DPP10: variants seen among roughly 807,000 people sequenced by gnomAD.
The protein encoded by DPP10 is dipeptidyl peptidase like 10, also known as inactive dipeptidyl peptidase 10.
DPP10 carries 33 observed loss-of-function variants against 120.9 expected under a neutral mutation model. The ratio of observed to expected loss-of-function variants is 0.27; its 90% CI spans 0.21 to 0.37. The LOEUF is 0.37. DPP10 is among the 10% of genes least tolerant of loss of function. The pLI, the probability that DPP10 is intolerant of heterozygous loss-of-function variation, is 1.00. For synonymous variants in DPP10, 337 were observed against 326.1 expected (o/e 1.03, Z -0.36); for missense variants, 816 against 942.8 (o/e 0.87, Z 1.76).
At chr2:115,760,780 G>A (rs920326845) in intron 11 of DPP10, among the ~76,000 whole-genome samples, 5 of 151,998 alleles carry the variant, frequency 3.3e-5, no homozygotes, top group South Asian at 2.1e-4. Context: ...GTTTTTATTC[G>A]GCTGATTAGT....
intron 9 of DPP10, among the ~76,000 whole-genome samples, chr2:115,745,111 C>T (rs1677784218): frequency 6.6e-6 from 1 of 150,384 alleles, no homozygotes; most frequent in Admixed American, 7.1e-5. Flanking sequence ...GCCCCTTACT[C>T]ACAGTGTATT....
intron 1 of DPP10, among the ~76,000 whole-genome samples, chr2:115,167,428 AAAAT>A (rs1374281080): frequency 1.3e-5 from 2 of 151,824 alleles, no homozygotes; most frequent in African/African-American, 4.8e-5. Flanking sequence ...AACAAAAAAG[AAAAT>A]AAAAAGAAAA....
chr2:115,478,354 A>G lies in DPP10; in HGVS notation c.272-21156A>G, dbSNP rs190709969. 2.7e-4 allele frequency among the ~76,000 whole-genome samples: 41 copies of G among 152,332 alleles called. 1 individual carries two copies. The East Asian group carries it at 6.8e-3, about 25-fold the overall frequency. On this transcript the variant is annotated intron_variant, in intron 3 of 25. Coordinates refer to ENST00000410059, the MANE Select transcript of DPP10 (RefSeq NM_020868.6). ...GTCATTGGGAAAATTGTTTATCTAC[A>G]TGCAACAGAATGGAATGGGATTGTT...
chr2:115,153,279 G>A (rs1188014308), intron 1 of DPP10, among the ~76,000 whole-genome samples: 2 of 152,056 alleles, frequency 1.3e-5, no homozygotes, highest in African/African-American at 2.4e-5. Context: ...AAATATGAGG[G>A]ACCAATTTCC....
chr2:115,186,917 G>A (rs574491241), intron 1 of DPP10, among the ~76,000 whole-genome samples: 11 of 150,396 alleles, frequency 7.3e-5, no homozygotes, highest in Admixed American at 7.3e-4. Flanking sequence ...CTAGGGTACA[G>A]CCTCTAGCCA....
intron 4 of DPP10, among the ~76,000 whole-genome samples, chr2:115,525,495 C>A (rs1272538891): frequency 6.6e-6 from 1 of 151,822 alleles, no homozygotes; most frequent in African/African-American, 2.4e-5. Flanking sequence ...AGTAAGAATA[C>A]AAAAACACAG....
At chr2:115,817,189 G>C (rs914143593) in intron 21 of DPP10, among the ~76,000 whole-genome samples, 12 of 151,918 alleles carry the variant, frequency 7.9e-5, no homozygotes, top group African/African-American at 2.7e-4. Context: ...AGAGTTTGAA[G>C]TGAGCCGAGA....
intron 5 of DPP10, among the ~76,000 whole-genome samples, chr2:115,629,268 A>G (rs1002194519): frequency 4.6e-5 from 7 of 152,166 alleles, no homozygotes; most frequent in Non-Finnish European, 7.3e-5. Flanking sequence ...TAGTGCTGCA[A>G]TAAACATACG....
chr2:115,040,712 C>T (rs1475155269), intron 1 of DPP10, among the ~76,000 whole-genome samples: 1 of 151,868 alleles, frequency 6.6e-6, no homozygotes, highest in Non-Finnish European at 1.5e-5. Flanking sequence ...TGAGTGTGTG[C>T]CGTGAGATTT....
chr2:114,707,760 A>G (rs919271895), intron 1 of DPP10, among the ~76,000 whole-genome samples: 1 of 152,138 alleles, frequency 6.6e-6, no homozygotes, highest in African/African-American at 2.4e-5. Flanking sequence ...TCCAATGCCA[A>G]TCAAGTAGAG....
At chr2:114,657,061 A>G (rs1697017146) in intron 1 of DPP10, among the ~76,000 whole-genome samples, 1 of 152,122 alleles carries the variant, frequency 6.6e-6, no homozygotes, top group Admixed American at 6.5e-5. Context: ...AGAGCCCATA[A>G]AAGTCAGTAC....
intron 1 of DPP10, among the ~76,000 whole-genome samples, chr2:114,498,453 G>A (rs948377491): frequency 2.4e-4 from 37 of 152,164 alleles, no homozygotes; most frequent in Admixed American, 2.4e-3. Flanking sequence ...AATATCTTCT[G>A]TCTTAGTCTG....
intron 1 of DPP10, among the ~76,000 whole-genome samples, chr2:115,225,318 C>T (rs2057377587): frequency 6.6e-6 from 1 of 152,000 alleles, no homozygotes. Flanking sequence ...CATGGTACTC[C>T]ATAATGGACC....
At chr2:114,973,661 C>CAAAAAAAAAAAAAAAAAAA (rs58042446) in intron 1 of DPP10, among the ~76,000 whole-genome samples, 4 of 70,996 alleles carry the variant, frequency 5.6e-5, no homozygotes, top group African/African-American at 2.5e-4. Flanking sequence ...GACTCCGTCT[C>CAAAAAAAAAAAAAAAAAAA]AAAAAAAAAA....
At chr2:114,541,744 T>TA in intron 1 of DPP10, among the ~76,000 whole-genome samples, 1 of 152,172 alleles carries the variant, frequency 6.6e-6, no homozygotes, top group East Asian at 1.9e-4. Flanking sequence ...ATTAAACATT[T>TA]AAAACTTGTA....
At position 115,802,669 on chromosome 2, in the gene DPP10, T is replaced by G. The variant is rs1012250020; in HGVS notation, c.1700+11313T>G. Reference sequence around the variant, plus strand: ...TGGTTTCAAGGAACATCTTTATTTCTGCCTTCATTTCGTTATGTACCCAGT... The same window carrying G: ...TGGTTTCAAGGAACATCTTTATTTCGGCCTTCATTTCGTTATGTACCCAGT... On this transcript the variant is annotated intron_variant, in intron 19 of 25. Coordinates refer to ENST00000410059, the MANE Select transcript of DPP10 (RefSeq NM_020868.6). 2.6e-4 allele frequency among the ~76,000 whole-genome samples: 39 copies of G among 152,316 alleles called. No individual in the cohort carries two copies. In the East Asian group the frequency reaches 5.6e-3, roughly 22 times the overall value.
At chr2:115,690,596 A>G (rs2091263041) in intron 7 of DPP10, among the ~76,000 whole-genome samples, 1 of 152,110 alleles carries the variant, frequency 6.6e-6, no homozygotes, top group Non-Finnish European at 1.5e-5. Flanking sequence ...TATTTTTAGT[A>G]GAGACGGGGT....
intron 1 of DPP10, among the ~76,000 whole-genome samples, chr2:115,289,126 C>G (rs1178076405): frequency 6.6e-6 from 1 of 152,048 alleles, no homozygotes; most frequent in Non-Finnish European, 1.5e-5. Flanking sequence ...GTGAAGAAAT[C>G]AGTAGCGCTG....
intron 3 of DPP10, among the ~76,000 whole-genome samples, chr2:115,413,896 T>TA (rs1313814042): frequency 1.1e-4 from 15 of 140,500 alleles, no homozygotes; most frequent in African/African-American, 1.6e-4. Context: ...AAGGCAATTC[T>TA]ACACCTTCTC....
Sources: gnomAD v4.1 joint callset for allele counts (sites outside exome capture counted in the v4.1 genomes callset) on GRCh38, gnomAD v4.1.1 for gene constraint, MANE v1.5 for transcripts, NCBI Gene and HGNC (gene_info 2026-07-23, HGNC 2026-07-21) for gene names.